Variants in PKD1L1 observed in about 807,000 individuals in gnomAD.
PKD1L1 encodes polycystin-1-like protein 1.
Under a neutral mutation model 323.4 loss-of-function variants are expected in PKD1L1, and 236 were observed. The observed-to-expected ratio is 0.73, with a 90% CI of 0.66 to 0.81. PKD1L1 has a LOEUF of 0.81. Among genes scored for constraint, PKD1L1 ranks in the 40% least tolerant of loss-of-function variants. PKD1L1 has a pLI of 0.00. For missense variants in PKD1L1, 3,320 were observed against 3,508.0 expected (o/e 0.95, Z 1.35); for synonymous variants, 1,344 against 1,335.0 (o/e 1.01, Z -0.15).
chr7:47,811,793 G>A (rs778973561), intron 50 of PKD1L1, 24 bp downstream of exon 50: 2 of 1,559,610 alleles, frequency 1.3e-6, no homozygotes, highest in Non-Finnish European at 1.7e-6. Flanking sequence ...ACCTCCAGGA[G>A]GCCCAAGAGG....
At chr7:47,813,060 C>T (rs770960418) in intron 49 of PKD1L1, 61 bp downstream of exon 49, 41 of 1,563,814 alleles carry the variant, frequency 2.6e-5, no homozygotes, top group Admixed American at 5.3e-5. Flanking sequence ...GTCCAGCAGG[C>T]ACCAGAGCTG....
chr7:47,907,209 T>C (rs1787224794), intron 9 of PKD1L1, among the ~76,000 whole-genome samples: 1 of 152,230 alleles, frequency 6.6e-6, no homozygotes, highest in African/African-American at 2.4e-5. Flanking sequence ...ACAGCCACTG[T>C]GTGGAACAGC....
At chr7:47,865,593 T>TTTA (rs1365028583) in intron 25 of PKD1L1, among the ~76,000 whole-genome samples, 2 of 151,008 alleles carry the variant, frequency 1.3e-5, no homozygotes, top group African/African-American at 4.9e-5. Context: ...TTTATTTTAT[T>TTTA]TTATTTTTTT....
chr7:47,947,917 A>G (rs1433035537), intron 1 of PKD1L1, among the ~76,000 whole-genome samples: 5 of 151,872 alleles, frequency 3.3e-5, no homozygotes, highest in African/African-American at 7.2e-5. Flanking sequence ...GCAGTGAGCC[A>G]AGATCGCACC....
At chr7:47,845,898 C>T (rs1229382331) in intron 32 of PKD1L1, among the ~76,000 whole-genome samples, 4 of 151,148 alleles carry the variant, frequency 2.6e-5, no homozygotes, top group Non-Finnish European at 4.4e-5. Flanking sequence ...CATTTTTGTA[C>T]CCTTGGCTCA....
At chr7:47,803,520 TA>T (rs1784712286) in intron 52 of PKD1L1, among the ~76,000 whole-genome samples, 176 bp from the exon 53 acceptor site, 1 of 152,216 alleles carries the variant, frequency 6.6e-6, no homozygotes, top group African/African-American at 2.4e-5. Context: ...GAGTTGGAAC[TA>T]GGGGTAAATA....
At chr7:47,812,168 C>A in intron 49 of PKD1L1, 117 bp from the exon 50 acceptor site, 2 of 793,946 alleles carry the variant, frequency 2.5e-6, no homozygotes, top group Non-Finnish European at 4.1e-6. Flanking sequence ...TTTGCAAGGA[C>A]ACACAGTGCC....
In PKD1L1 at chr7:47,792,742, T is replaced by C; in HGVS notation, c.8411A>G (p.Asn2804Ser). Residue 2804 changes from asparagine (N) to serine (S), a missense_variant, in exon 56 of 57, where the codon AAT becomes AGT. By Grantham distance (46) the Asn-to-Ser change is conservative. Coordinates refer to ENST00000289672, the MANE Select transcript of PKD1L1 (RefSeq NM_138295.5). Reference protein sequence around the residue: ...NLLDELLMKINGLSDSLQLPL... With the variant: ...NLLDELLMKISGLSDSLQLPL... The stretch of plus-strand genomic sequence containing the variant: ...GAGTTGTAGGCTGTCGGACAAACCA[T>C]TAATCTTCATCAGAAGTTCGTCTAA... The C allele has an allele frequency of 1.9e-6, 3 of 1,614,088 alleles. No individual in the cohort carries two copies. The highest frequency in any genetic ancestry group is 2.2e-5 in the East Asian group (1 of 44,862).
intron 56 of PKD1L1, among the ~76,000 whole-genome samples, chr7:47,775,772 A>G (rs1786553509): frequency 6.6e-6 from 1 of 151,826 alleles, no homozygotes; most frequent in Admixed American, 6.6e-5. Flanking sequence ...TAAATAATAA[A>G]TAAATACTAA....
intron 56 of PKD1L1, among the ~76,000 whole-genome samples, chr7:47,783,646 T>TA (rs1786745213): frequency 6.6e-6 from 1 of 151,776 alleles, no homozygotes; most frequent in South Asian, 2.1e-4. Context: ...GAATGCCCTG[T>TA]AAAAAAGAGA....
At chr7:47,836,501 T>A (rs1331937646) in intron 37 of PKD1L1, among the ~76,000 whole-genome samples, 1 of 152,142 alleles carries the variant, frequency 6.6e-6, no homozygotes, top group Admixed American at 6.5e-5. Context: ...CAGACCAGAG[T>A]TGCCAGTGCA....
intron 26 of PKD1L1, among the ~76,000 whole-genome samples, chr7:47,864,584 C>CTTTA (rs1786109156): frequency 4.0e-5 from 3 of 75,552 alleles, no homozygotes; most frequent in Non-Finnish European, 7.5e-5. Flanking sequence ...TCTTTTCTTT[C>CTTTA]TTTCTTTCTT....
chr7:47,876,347 G>T (rs1419916089), intron 22 of PKD1L1, 130 bp from the exon 23 acceptor site: 12 of 1,101,832 alleles, frequency 1.1e-5, no homozygotes, highest in Non-Finnish European at 1.4e-5. Context: ...GAGGGTAAGT[G>T]ACAGGTAAGC....
rs767095620 is a variant in PKD1L1, at chr7:47,877,559, C to T, written c.3593G>A (p.Cys1198Tyr). Reference protein sequence around the residue: ...TVNPAPRDMACQVQPHHGLEA... With the variant: ...TVNPAPRDMAYQVQPHHGLEA... ...CAGACCATGGTGGGGCTGCACCTGA[C>T]AGGCCATGTCCCGAGGAGCCGGGTT... The change falls in exon 22 of 57, where the codon TGT (cysteine) becomes TAT (tyrosine). Residue 1198 changes from cysteine to tyrosine, a missense_variant. Coordinates refer to ENST00000289672, the MANE Select transcript of PKD1L1 (RefSeq NM_138295.5). 6.2e-7 allele frequency: 1 copy of T among 1,614,090 alleles called. No homozygotes were observed. Among genetic ancestry groups the T allele is most frequent in the Non-Finnish European group, 8.5e-7 (1 of 1,179,976 alleles).
chr7:47,887,083 G>T (rs1786701610), intron 17 of PKD1L1, among the ~76,000 whole-genome samples: 1 of 152,174 alleles, frequency 6.6e-6, no homozygotes, highest in Non-Finnish European at 1.5e-5. Context: ...AATCTATTCA[G>T]CATGGGCTCT....
chr7:47,834,590 C>T (rs919195577), intron 39 of PKD1L1, among the ~76,000 whole-genome samples: 9 of 152,040 alleles, frequency 5.9e-5, no homozygotes, highest in African/African-American at 2.2e-4. Flanking sequence ...CTTGGGCAAC[C>T]CTCACACCCA....
At chr7:47,919,000 G>A (rs60016049) in intron 7 of PKD1L1, among the ~76,000 whole-genome samples, 12,127 of 151,864 alleles carry the variant, frequency 0.08, 1,654 homozygotes, top group African/African-American at 0.28. Context: ...TGCAGCAGAA[G>A]AAAGGAAATA....
intron 46 of PKD1L1, chr7:47,818,138 C>T: frequency 7.3e-7 from 1 of 1,367,658 alleles, no homozygotes; most frequent in African/African-American, 1.5e-5. Flanking sequence ...TGGAATGAAG[C>T]AACAGAGAGG....
rs2128737820 is a variant in PKD1L1 at position 47,840,103 on chromosome 7, C to T, written c.5552+358G>A. On this transcript the variant is annotated intron_variant, in intron 35 of 56. Coordinates refer to ENST00000289672, the MANE Select transcript of PKD1L1 (RefSeq NM_138295.5). This position sits in a 1 kb window ranked among gnomAD's most constrained non-coding sequence, Gnocchi z 4.1. ...TGCTTGCATCCTATCTTGTTAAATT[C>T]ACTCTTTCTCCAACCCCACCATCTT... Among the ~76,000 whole-genome samples, 1 of 152,260 alleles carries T rather than the reference C, an allele frequency of 6.6e-6. No homozygotes were observed. The highest frequency in any genetic ancestry group is 2.1e-4 in the South Asian group (1 of 4,824).
Sources: gnomAD v4.1 joint callset for allele counts (sites outside exome capture counted in the v4.1 genomes callset) on GRCh38, gnomAD v4.1.1 for gene constraint, Gnocchi (gnomAD v3.1) non-coding constraint, MANE v1.5 for transcripts, NCBI Gene and HGNC (gene_info 2026-07-23, HGNC 2026-07-21) for gene names.